The following RPS6KA5 variants were observed in gnomAD, a reference collection of about 807,000 sequenced individuals.
The protein encoded by RPS6KA5 is ribosomal protein S6 kinase A5.
RPS6KA5 carries 27 observed loss-of-function variants against 85.5 expected under a neutral mutation model. The ratio of observed to expected loss-of-function variants is 0.32; its 90% CI spans 0.23 to 0.44. The LOEUF is 0.44. Ranked by LOEUF, RPS6KA5 falls within the 20% of genes least tolerant of loss-of-function variation. RPS6KA5 has a pLI of 1.00. For synonymous variants in RPS6KA5, 334 were observed against 348.2 expected, an observed-to-expected ratio of 0.96 and a Z score of 0.46; for missense variants, 811 against 980.9, an observed-to-expected ratio of 0.83 and a Z score of 2.31.
At chr14:90,933,775 A>G (rs937292920) in intron 5 of RPS6KA5, among the ~76,000 whole-genome samples, 1 of 152,152 alleles carries the variant, frequency 6.6e-6, no homozygotes, top group African/African-American at 2.4e-5. Context: ...TCCTTCTTCC[A>G]TATGATCACC....
chr14:91,029,072 G>A (rs1286793903), intron 1 of RPS6KA5, among the ~76,000 whole-genome samples: 1 of 152,088 alleles, frequency 6.6e-6, no homozygotes, highest in Non-Finnish European at 1.5e-5. Context: ...TATAATATCT[G>A]GATGATAGCA....
chr14:90,932,333 A>T (rs542035115), intron 5 of RPS6KA5, among the ~76,000 whole-genome samples: 39 of 152,086 alleles, frequency 2.6e-4, no homozygotes, highest in African/African-American at 8.9e-4. Context: ...CTGTTGCCCA[A>T]CACTGTTCCC....
intron 1 of RPS6KA5, among the ~76,000 whole-genome samples, chr14:91,058,576 C>A (rs1453559248): frequency 1.3e-5 from 2 of 152,060 alleles, no homozygotes; most frequent in Non-Finnish European, 2.9e-5. Context: ...TTATGTAAGA[C>A]AAGAAAAAAA....
chr14:91,049,415 C>A (rs1288634816), intron 1 of RPS6KA5, among the ~76,000 whole-genome samples: 1 of 152,052 alleles, frequency 6.6e-6, no homozygotes, highest in African/African-American at 2.4e-5. Flanking sequence ...GAGATTGAGA[C>A]CATCCTGGCT....
chr14:90,922,573 G>A lies in RPS6KA5; in HGVS notation c.702+540C>T, dbSNP rs146347840. Among the ~76,000 whole-genome samples the A allele has an allele frequency of 1.7e-3, 256 of 152,204 alleles. 3 individuals are homozygous for A. Among genetic ancestry groups the A allele is most frequent in the African/African-American group, 5.8e-3 (242 of 41,536 alleles). ...AAACATTCTCCTTCCTCAGCCTTCC[G>A]AGTAGCTGAAATTACAGGCGCTCGC... is the stretch of plus-strand genomic sequence containing the variant. On this transcript the variant is annotated intron_variant, in intron 6 of 16. Transcript: ENST00000614987.
chr14:90,961,854 C>T (rs148180236), intron 3 of RPS6KA5, among the ~76,000 whole-genome samples: 1 of 152,090 alleles, frequency 6.6e-6, no homozygotes, highest in African/African-American at 2.4e-5. Context: ...TACAACCTTG[C>T]AAAAAGTTCC....
intron 6 of RPS6KA5, 60 bp from the exon 7 acceptor site, chr14:90,920,369 GA>G (rs1371785959): frequency 1.7e-6 from 2 of 1,159,440 alleles, no homozygotes; most frequent in African/African-American, 1.6e-5. Flanking sequence ...TTATAAGAAA[GA>G]AAAAATGAAT....
intron 4 of RPS6KA5, among the ~76,000 whole-genome samples, chr14:90,946,098 G>C (rs1403467398): frequency 6.6e-6 from 1 of 151,970 alleles, no homozygotes; most frequent in Non-Finnish European, 1.5e-5. Flanking sequence ...GTCTTTCTTT[G>C]CAGCATATTC....
At chr14:90,880,305 G>A (rs1228872325) in intron 14 of RPS6KA5, among the ~76,000 whole-genome samples, 2 of 151,770 alleles carry the variant, frequency 1.3e-5, no homozygotes, top group Admixed American at 6.6e-5. Flanking sequence ...CCACAACCCC[G>A]GCAACCACCA....
chr14:90,962,500 T>A (rs2038856294), intron 3 of RPS6KA5, among the ~76,000 whole-genome samples: 2 of 152,134 alleles, frequency 1.3e-5, no homozygotes, highest in South Asian at 4.1e-4. Context: ...TTAGCCTGGC[T>A]GGTCTCGAAC....
intron 2 of RPS6KA5, among the ~76,000 whole-genome samples, chr14:90,988,442 A>G (rs1034393501): frequency 6.6e-6 from 1 of 152,228 alleles, no homozygotes; most frequent in Non-Finnish European, 1.5e-5. Flanking sequence ...TACTCATATC[A>G]TGTATATCTT....
intron 6 of RPS6KA5, among the ~76,000 whole-genome samples, chr14:90,921,716 C>A (rs1698421733): frequency 6.6e-6 from 1 of 152,142 alleles, no homozygotes; most frequent in African/African-American, 2.4e-5. Context: ...ACCAGTAACA[C>A]ACAAACTTGA....
intron 2 of RPS6KA5, among the ~76,000 whole-genome samples, chr14:91,000,319 G>T (rs2040730554): frequency 6.6e-6 from 1 of 152,066 alleles, no homozygotes; most frequent in African/African-American, 2.4e-5. Context: ...AGAGATCCAT[G>T]TTCCATTTAA....
At chr14:90,925,990 T>C (rs923180311) in intron 5 of RPS6KA5, among the ~76,000 whole-genome samples, 1 of 127,590 alleles carries the variant, frequency 7.8e-6, no homozygotes, top group African/African-American at 2.9e-5. Flanking sequence ...AAGAATCAAA[T>C]AGAGCTGTGC....
intron 14 of RPS6KA5, among the ~76,000 whole-genome samples, chr14:90,879,781 A>AT (rs10609342): frequency 0.016 from 2,026 of 128,956 alleles, 31 homozygotes; most frequent in Non-Finnish European, 0.021. Context: ...TCCACTCCTA[A>AT]TTTTTTTTTT....
At chr14:90,912,535 T>C (rs1015671006) in intron 7 of RPS6KA5, among the ~76,000 whole-genome samples, 4 of 152,228 alleles carry the variant, frequency 2.6e-5, no homozygotes, top group South Asian at 2.1e-4. Flanking sequence ...TTCAGGGTTC[T>C]GAGGATTCCA....
chr14:90,884,087 CAAT>C (rs764846840), intron 14 of RPS6KA5, among the ~76,000 whole-genome samples: 30 of 152,222 alleles, frequency 2.0e-4, no homozygotes, highest in Non-Finnish European at 3.4e-4. Context: ...GGCACAACAA[CAAT>C]GACCACTGCC....
At position 90,866,302 on chromosome 14, in the gene RPS6KA5, TA is replaced by T. The variant is rs909935820; in HGVS notation, c.*5771del. ...CACCATACTGATACCTTGTAGCTATTAAAAAAAAATTAGCTGGGCATGGTGG... is the reference window on the plus strand; with the variant it reads ...CACCATACTGATACCTTGTAGCTATTAAAAAAAATTAGCTGGGCATGGTGG... On this transcript the variant is annotated 3_prime_UTR_variant, in exon 17 of 17. Transcript: ENST00000614987. 1.3e-5 allele frequency: 2 copies of T among 151,482 alleles called. No homozygotes were observed. The highest frequency in any genetic ancestry group is 2.9e-5 in the Non-Finnish European group (2 of 67,866). The allele number at this position is 151,482 out of a possible 1,614,324, so 9.4% of individuals were successfully genotyped here.
At chr14:90,987,671 G>C (rs577909745) in intron 2 of RPS6KA5, among the ~76,000 whole-genome samples, 42 of 152,200 alleles carry the variant, frequency 2.8e-4, no homozygotes, top group Middle Eastern at 3.4e-3. Flanking sequence ...TACAAGATCT[G>C]CTGTTGATTA....
Sources: allele counts gnomAD v4.1 joint callset (sites outside exome capture counted in the v4.1 genomes callset), GRCh38; gene constraint gnomAD v4.1.1; transcripts MANE v1.5; gene names NCBI Gene and HGNC (gene_info 2026-07-23, HGNC 2026-07-21).